Variants in HPD observed in about 807,000 individuals in gnomAD.
The protein encoded by HPD is 4-hydroxyphenylpyruvate dioxygenase.
A neutral mutation model predicts 56.9 loss-of-function variants in HPD; 35 were observed. The ratio of observed to expected loss-of-function variants is 0.62; its 90% CI spans 0.47 to 0.82. HPD has a LOEUF of 0.82. HPD is among the 40% of genes least tolerant of loss of function. HPD has a pLI of 0.00. For synonymous variants in HPD, 186 were observed against 200.2 expected, an observed-to-expected ratio of 0.93 and a Z score of 0.60; for missense variants, 442 against 506.8, an observed-to-expected ratio of 0.87 and a Z score of 1.23.
upstream of HPD, among the ~76,000 whole-genome samples, chr12:121,861,370 G>A (rs1878168961): frequency 6.6e-6 from 1 of 150,716 alleles, no homozygotes; most frequent in African/African-American, 2.4e-5. Context: ...GTGTGGTGGT[G>A]TGTGCCTGTA....
At chr12:121,887,562 G>A in the HPD span, among the ~76,000 whole-genome samples, 126 of 151,838 alleles carry the variant, frequency 8.3e-4, no homozygotes, top group African/African-American at 2.9e-3. Flanking sequence ...GGTAGAGACA[G>A]GGTTTCACCA....
Position 121,844,737 on chromosome 12 carries a change from T to C in HPD, c.832-905A>G, listed in dbSNP as rs188430910. 7.5e-3 allele frequency among the ~76,000 whole-genome samples: 1,130 copies of C among 150,994 alleles called. 9 individuals carry two copies. Among genetic ancestry groups the C allele is most frequent in the African/African-American group, 0.025 (1,029 of 41,130 alleles). On this transcript the variant is annotated intron_variant, in intron 11 of 13. Coordinates refer to ENST00000289004, the MANE Select transcript of HPD (RefSeq NM_002150.3). ...CTAAAAATACAAAAAAAAAATTAGC[T>C]GGGCGTGGTGGTGGGAGCGTGTAGT...
At chr12:121,876,902 T>C in the HPD span, among the ~76,000 whole-genome samples, 1 of 151,940 alleles carries the variant, frequency 6.6e-6, no homozygotes, top group Non-Finnish European at 1.5e-5. Flanking sequence ...GAGACCAGCC[T>C]GGCCAACATG....
chr12:121,849,004 G>A lies in HPD; in HGVS notation c.591C>T (p.Ser197=), dbSNP rs1183124210. The A allele has an allele frequency of 5.0e-6, 8 of 1,612,800 alleles. No homozygotes were observed. The highest frequency in any genetic ancestry group is 2.2e-5 in the East Asian group (1 of 44,860). ...NQPDQEMVSA[S]EWYLKNLQFH... ...GGAGAGGGCCAAGGTCTCACCATTCGGAGGCGGACACCATCTCCTGATCAG... is the reference window on the plus strand; with the variant it reads ...GGAGAGGGCCAAGGTCTCACCATTCAGAGGCGGACACCATCTCCTGATCAG... The change falls in exon 9 of 14, where the codon TCC becomes TCT. Residue 197 remains serine, a synonymous_variant. Transcript: ENST00000289004.
At chr12:121,847,291 G>T in intron 9 of HPD, 77 bp from the exon 10 acceptor site, 1 of 1,382,266 alleles carries the variant, frequency 7.2e-7, no homozygotes, top group Non-Finnish European at 1.0e-6. Flanking sequence ...CCACCTTCCA[G>T]AATCTGTCCC....
At chr12:121,864,858 CAA>C (rs1878281970), upstream of HPD, among the ~76,000 whole-genome samples, 1 of 19,730 alleles carries the variant, frequency 5.1e-5, no homozygotes, top group African/African-American at 1.8e-3. Flanking sequence ...GTCTCAAAAA[CAA>C]CAACAACAAC....
intron 3 of HPD, 78 bp downstream of exon 3, chr12:121,857,679 C>T: frequency 7.9e-7 from 1 of 1,272,266 alleles, no homozygotes; most frequent in Non-Finnish European, 1.1e-6. Context: ...AATCACAGAC[C>T]CTGCTGGAGG....
At chr12:121,864,777 C>T (rs562768577), upstream of HPD, among the ~76,000 whole-genome samples, 20 of 151,852 alleles carry the variant, frequency 1.3e-4, no homozygotes, top group East Asian at 3.3e-3. Flanking sequence ...GGAGTGAACC[C>T]GGGGCGCGGA....
the HPD span, among the ~76,000 whole-genome samples, chr12:121,884,202 G>A: frequency 9.7e-4 from 130 of 134,230 alleles, no homozygotes; most frequent in African/African-American, 3.1e-3. Context: ...ACGGAGTTTC[G>A]CTCTGTCGCC....
chr12:121,857,416 C>T lies in HPD; in HGVS notation c.110G>A (p.Cys37Tyr). ...GNAKQATSFY[C>Y]SKMGFEPLAY... is the part of the protein sequence containing the mutation. ...TAGAGGTTCAAAGCCCATCTTGCTG[C>T]AGTAGAATGACGTGGCCTGAATCAC... The change falls in exon 4 of 14, where the codon TGC (cysteine) becomes TAC (tyrosine). Residue 37 changes from cysteine to tyrosine, a missense_variant. By Grantham distance (194) the Cys-to-Tyr change is radical. Transcript: ENST00000289004. 1 of 1,613,458 alleles carries T rather than the reference C, an allele frequency of 6.2e-7. No homozygotes were observed. The highest frequency in any genetic ancestry group is 8.5e-7 in the Non-Finnish European group (1 of 1,179,372).
Position 121,849,791 on chromosome 12 carries a change from C to T in HPD, c.415-1G>A, listed in dbSNP as rs1877705176. The T allele has an allele frequency of 5.0e-6, 8 of 1,609,026 alleles. No individual in the cohort carries two copies. Among genetic ancestry groups the T allele is most frequent in the East Asian group, 2.2e-5 (1 of 44,872 alleles). On this transcript the variant is annotated splice_acceptor_variant, in intron 7 of 13. Transcript: ENST00000289004. LOFTEE classifies it high-confidence loss of function. ...CCAGGGTGTGTGTGGTGTCCCCATA[C>T]TACGGGTGGAAAACAGCCTGGCTCG... is the stretch of plus-strand genomic sequence containing the variant.
At chr12:121,877,544 C>T in the HPD span, among the ~76,000 whole-genome samples, 1 of 151,978 alleles carries the variant, frequency 6.6e-6, no homozygotes, top group African/African-American at 2.4e-5. Context: ...CCAGCCTGGC[C>T]AACATGGTAA....
Position 121,858,702 on chromosome 12 carries a change from A to C in HPD, c.15T>G (p.Ser5Arg), listed in dbSNP as rs35849100. The change falls in exon 2 of 14, where the codon AGT (serine) becomes AGG (arginine). Residue 5 changes from serine (S) to arginine (R), a missense_variant. Coordinates refer to ENST00000289004, the MANE Select transcript of HPD (RefSeq NM_002150.3). ...GCCTGCTTACCTTTGCCCCTTTGTCACTGTAAGTCGTCTAAGGAGAAAAAG... is the reference window on the plus strand; with the variant it reads ...GCCTGCTTACCTTTGCCCCTTTGTCCCTGTAAGTCGTCTAAGGAGAAAAAG... The part of the protein sequence containing the change: MTTY[S>R]DKGAKPERGR... 6.0e-3 allele frequency: 9,678 copies of C among 1,613,958 alleles called. 176 individuals carry two copies. The highest frequency in any genetic ancestry group is 0.058 in the Admixed American group (3,458 of 60,006).
chr12:121,878,273 A>G, the HPD span, among the ~76,000 whole-genome samples: 10 of 152,158 alleles, frequency 6.6e-5, no homozygotes, highest in Non-Finnish European at 1.5e-4. Context: ...ATACATGGAG[A>G]AGTGCATAAG....
chr12:121,873,770 A>T, the HPD span, among the ~76,000 whole-genome samples: 1 of 150,660 alleles, frequency 6.6e-6, no homozygotes, highest in South Asian at 2.1e-4. Flanking sequence ...CAGTGAGCCG[A>T]GATCGCGCCA....
Position 121,839,985 on chromosome 12 carries a change from C to A in HPD, c.1018G>T (p.Val340Leu), listed in dbSNP as rs36023382. The A allele has an allele frequency of 8.8e-3, 14,180 of 1,613,768 alleles. 209 individuals are homozygous for A. The highest frequency in any genetic ancestry group is 0.032 in the Middle Eastern group (192 of 6,052). Residue 340 changes from valine (V) to leucine (L), a missense_variant, in exon 13 of 14, where the codon GTG (valine) becomes TTG (leucine). Transcript: ENST00000289004. The part of the protein sequence containing the change: ...GYLLQIFTKP[V>L]QDRPTLFLEV... ...AGGAAGAGCGTGGGCCGGTCCTGCA[C>A]CGGTTTGGTGAAGATCTGCAGGAGG...
chr12:121,858,795 C>G (rs200134854), intron 1 of HPD, 26 bp downstream of exon 1: 135 of 1,613,996 alleles, frequency 8.4e-5, no homozygotes, highest in Non-Finnish European at 1.2e-5. Context: ...ATGTCCCACC[C>G]AAGGGGAGAT....
the HPD span, among the ~76,000 whole-genome samples, chr12:121,876,687 G>A: frequency 6.6e-5 from 10 of 152,206 alleles, no homozygotes; most frequent in Non-Finnish European, 8.8e-5. Context: ...GACTTTCATC[G>A]TTGGCAAGGG....
the HPD span, among the ~76,000 whole-genome samples, chr12:121,879,053 G>A: frequency 6.6e-6 from 1 of 152,102 alleles, no homozygotes; most frequent in Admixed American, 6.6e-5. Context: ...GGGAGGCTGA[G>A]GCGGGTGTAT....
Sources: allele counts gnomAD v4.1 joint callset (sites outside exome capture counted in the v4.1 genomes callset), GRCh38; gene constraint gnomAD v4.1.1; transcripts MANE v1.5; gene names NCBI Gene and HGNC (gene_info 2026-07-23, HGNC 2026-07-21).